FILIP1: variants seen among roughly 807,000 people sequenced by gnomAD.
FILIP1 encodes the protein filamin A interacting protein 1, also known as filamin-A-interacting protein 1.
A neutral mutation model predicts 102.1 loss-of-function variants in FILIP1; 61 were observed. The observed-to-expected ratio is 0.60, with a 90% confidence interval of 0.49 to 0.74. The LOEUF (loss-of-function observed/expected upper bound fraction) is 0.74. Among genes scored for constraint, FILIP1 ranks in the 30% least tolerant of loss-of-function variants. FILIP1 has a pLI of 0.00. For missense variants in FILIP1, 1,314 were observed against 1,441.2 expected (o/e 0.91, Z 1.43); for synonymous variants, 491 against 526.9 (o/e 0.93, Z 0.93).
intron 4 of FILIP1, among the ~76,000 whole-genome samples, chr6:75,352,679 T>A (rs1367418890): frequency 6.6e-6 from 1 of 151,988 alleles, no homozygotes; most frequent in African/African-American, 2.4e-5. Flanking sequence ...ATACTAATAT[T>A]TTCTACACTG....
intron 1 of FILIP1, among the ~76,000 whole-genome samples, chr6:75,445,097 T>A (rs977814067): frequency 2.6e-5 from 4 of 151,668 alleles, no homozygotes; most frequent in Non-Finnish European, 4.4e-5. Flanking sequence ...CCTACCTCCA[T>A]CCCCTCTCCT....
chr6:75,324,059 G>C (rs1773750349), intron 4 of FILIP1, among the ~76,000 whole-genome samples: 1 of 152,164 alleles, frequency 6.6e-6, no homozygotes, highest in South Asian at 2.1e-4. Flanking sequence ...CTTAGGTGGT[G>C]TCTTTGTAGC....
intron 1 of FILIP1, among the ~76,000 whole-genome samples, chr6:75,424,744 A>C (rs916869280): frequency 6.6e-6 from 1 of 152,178 alleles, no homozygotes; most frequent in African/African-American, 2.4e-5. Context: ...CAATGTTCAT[A>C]AAACAAGTTA....
intron 4 of FILIP1, among the ~76,000 whole-genome samples, chr6:75,338,596 A>G (rs1774318827): frequency 6.6e-6 from 1 of 152,240 alleles, no homozygotes; most frequent in African/African-American, 2.4e-5. Flanking sequence ...CACTGTAGTG[A>G]TACGAGACAA....
intron 4 of FILIP1, among the ~76,000 whole-genome samples, chr6:75,315,637 CA>C (rs1773418953): frequency 6.6e-6 from 1 of 152,148 alleles, no homozygotes; most frequent in Non-Finnish European, 1.5e-5. Flanking sequence ...ACTTTATTCT[CA>C]GAGTAACCCT....
chr6:75,476,460 A>G (rs913667533), intron 1 of FILIP1, among the ~76,000 whole-genome samples: 19 of 152,300 alleles, frequency 1.2e-4, no homozygotes, highest in African/African-American at 4.6e-4. Context: ...GTATGAACAA[A>G]ACTGAACAAA....
intron 3 of FILIP1, chr6:75,361,865 T>C (rs1775183009): frequency 6.6e-6 from 1 of 152,248 alleles, no homozygotes; most frequent in African/African-American, 2.4e-5. Context: ...AAGATGAGAA[T>C]AGAGCTCCAG....
chr6:75,421,586 T>C (rs1777467560), intron 1 of FILIP1, among the ~76,000 whole-genome samples: 1 of 152,088 alleles, frequency 6.6e-6, no homozygotes, highest in Admixed American at 6.6e-5. Flanking sequence ...CTACTCCTCC[T>C]CACTGTCCCT....
At chr6:75,329,315 C>T (rs995165545) in intron 4 of FILIP1, among the ~76,000 whole-genome samples, 1 of 152,116 alleles carries the variant, frequency 6.6e-6, no homozygotes, top group Non-Finnish European at 1.5e-5. Flanking sequence ...CTTGACACTC[C>T]CACTTTTCAA....
intron 2 of FILIP1, among the ~76,000 whole-genome samples, chr6:75,403,524 A>AAAAAAAG (rs60557619): frequency 0.12 from 16,174 of 134,242 alleles, 1,754 homozygotes; most frequent in African/African-American, 0.24. Flanking sequence ...CAAAAAAAAA[A>AAAAAAAG]AAAAAAGAAA....
intron 2 of FILIP1, among the ~76,000 whole-genome samples, chr6:75,412,290 T>C (rs558518593): frequency 2.2e-4 from 34 of 152,342 alleles, no homozygotes; most frequent in African/African-American, 8.2e-4. Context: ...TTGCTGATGT[T>C]GCTTATCAGG....
intron 3 of FILIP1, among the ~76,000 whole-genome samples, chr6:75,356,038 G>A (rs1407329296): frequency 3.3e-5 from 5 of 152,138 alleles, no homozygotes; most frequent in Non-Finnish European, 5.9e-5. Flanking sequence ...TCCTGACATT[G>A]CCAAATGTTC....
rs759301903 is a variant in FILIP1 at position 75,315,118 on chromosome 6, A to G, written c.714T>C (p.Asp238=). ...CAAAGGATTTGAGTTTAACAAGCTC[A>G]TCTCTTAGTTTATTGAGTCGTTTAG... ...ENAKRLNKLR[D]ELVKLKSFAL... Residue 238 remains aspartate, a synonymous_variant, in exon 5 of 6, where the codon GAT becomes GAC. Coordinates refer to ENST00000237172, the MANE Select transcript of FILIP1 (RefSeq NM_015687.5). The G allele has an allele frequency of 4.3e-6, 7 of 1,611,586 alleles. No individual in the cohort carries two copies. The highest frequency in any genetic ancestry group is 1.1e-5 in the South Asian group (1 of 90,172).
intron 2 of FILIP1, among the ~76,000 whole-genome samples, chr6:75,378,674 G>A (rs1242002647): frequency 6.6e-6 from 1 of 152,166 alleles, no homozygotes; most frequent in Non-Finnish European, 1.5e-5. Context: ...TGCACGTGAA[G>A]AGAAAACTGA....
chr6:75,400,514 G>A (rs966205730), intron 2 of FILIP1, among the ~76,000 whole-genome samples: 2 of 152,096 alleles, frequency 1.3e-5, no homozygotes, highest in African/African-American at 4.8e-5. Flanking sequence ...AATGGAGGGA[G>A]GAAAGAAGAG....
downstream of FILIP1, among the ~76,000 whole-genome samples, chr6:75,306,994 G>T (rs1005013487): frequency 1.9e-4 from 29 of 152,044 alleles, no homozygotes; most frequent in African/African-American, 6.5e-4. Flanking sequence ...GTAGAGATGG[G>T]GTTTCACCCT....
At chr6:75,448,131 T>A (rs1778500241) in intron 1 of FILIP1, among the ~76,000 whole-genome samples, 3 of 152,124 alleles carry the variant, frequency 2.0e-5, no homozygotes, top group Admixed American at 2.0e-4. Context: ...CTGTTTATAT[T>A]TGAACATTCA....
intron 3 of FILIP1, among the ~76,000 whole-genome samples, chr6:75,354,570 C>CAAAAAA (rs57366739): frequency 1.0e-5 from 1 of 97,580 alleles, no homozygotes; most frequent in Non-Finnish European, 2.1e-5. Context: ...GACTCCATCT[C>CAAAAAA]AAAAAAAAAA....
At chr6:75,478,305 A>T (rs1779547062) in intron 1 of FILIP1, among the ~76,000 whole-genome samples, 1 of 152,208 alleles carries the variant, frequency 6.6e-6, no homozygotes, top group Non-Finnish European at 1.5e-5. Flanking sequence ...TTAGCACACA[A>T]GATCTTGAGT....
Sources: allele counts gnomAD v4.1 joint callset (sites outside exome capture counted in the v4.1 genomes callset), GRCh38; gene constraint gnomAD v4.1.1; transcripts MANE v1.5; gene names NCBI Gene and HGNC (gene_info 2026-07-23, HGNC 2026-07-21).